Variants in ROBO1 observed in about 807,000 individuals in gnomAD.
The protein encoded by ROBO1 is roundabout homolog 1.
Under a neutral mutation model 195.9 loss-of-function variants are expected in ROBO1, and 149 were observed. The ratio of observed to expected loss-of-function variants is 0.76; its 90% CI spans 0.67 to 0.87. The LOEUF is 0.87. Among genes scored for constraint, ROBO1 ranks in the 40% least tolerant of loss-of-function variants. The probability of loss-of-function intolerance (pLI) is 0.00; values close to 1 mark genes in which losing one functional copy is unlikely to be tolerated. For synonymous variants in ROBO1, 816 were observed against 733.2 expected (o/e 1.11, Z -1.82); for missense variants, 1,933 against 2,068.3 (o/e 0.93, Z 1.27).
At chr3:79,368,068 A>C (rs2036042015) in intron 2 of ROBO1, among the ~76,000 whole-genome samples, 1 of 152,074 alleles carries the variant, frequency 6.6e-6, no homozygotes, top group Non-Finnish European at 1.5e-5. Flanking sequence ...CAGCCTCCCA[A>C]GCAGCTGGGA....
chr3:79,096,981 A>G (rs866104930), intron 3 of ROBO1, among the ~76,000 whole-genome samples: 5 of 151,818 alleles, frequency 3.3e-5, no homozygotes, highest in Middle Eastern at 3.4e-3. Context: ...TTCAAAATAC[A>G]ATGGTTAGAT....
At chr3:79,368,224 C>A (rs557980307) in intron 2 of ROBO1, among the ~76,000 whole-genome samples, 3 of 152,252 alleles carry the variant, frequency 2.0e-5, no homozygotes, top group Admixed American at 6.5e-5. Flanking sequence ...TGAGCCACTG[C>A]GTATGACCTC....
chr3:79,756,879 A>G (rs762464921), intron 1 of ROBO1, among the ~76,000 whole-genome samples: 3 of 152,174 alleles, frequency 2.0e-5, no homozygotes, highest in Admixed American at 6.5e-5. Context: ...TGATTATTCT[A>G]GGTACCTCAT....
intron 29 of ROBO1, among the ~76,000 whole-genome samples, chr3:78,606,232 G>C (rs927813606): frequency 1.3e-5 from 2 of 152,192 alleles, no homozygotes; most frequent in Non-Finnish European, 2.9e-5. Flanking sequence ...CAGAACAGTT[G>C]TGTGATCTCA....
intron 2 of ROBO1, among the ~76,000 whole-genome samples, chr3:79,238,511 G>T (rs2082454754): frequency 6.6e-6 from 1 of 152,154 alleles, no homozygotes; most frequent in Non-Finnish European, 1.5e-5. Flanking sequence ...ACCATGTGCT[G>T]CCTTTGTGAC....
chr3:78,847,688 T>C (rs60328378), intron 4 of ROBO1, among the ~76,000 whole-genome samples: 39,487 of 152,034 alleles, frequency 0.26, 5,404 homozygotes, highest in East Asian at 0.53. Context: ...GGTATTATTA[T>C]ACCTATTATT....
intron 2 of ROBO1, among the ~76,000 whole-genome samples, chr3:79,249,786 C>T (rs1191082947): frequency 6.6e-6 from 1 of 152,130 alleles, no homozygotes; most frequent in East Asian, 1.9e-4. Flanking sequence ...TCTAGGCACA[C>T]AGTGTAGAAG....
intron 2 of ROBO1, among the ~76,000 whole-genome samples, chr3:79,520,628 C>A (rs1157168324): frequency 6.6e-6 from 1 of 152,086 alleles, no homozygotes; most frequent in Non-Finnish European, 1.5e-5. Flanking sequence ...TAGAGAAACT[C>A]ATATCTTATG....
chr3:78,990,385 A>G (rs968999045), intron 3 of ROBO1, among the ~76,000 whole-genome samples: 4 of 152,204 alleles, frequency 2.6e-5, no homozygotes, highest in Non-Finnish European at 5.9e-5. Flanking sequence ...ATATATTTCA[A>G]TGAATCTGAG....
At chr3:79,633,498 C>A (rs1183797373) in intron 1 of ROBO1, among the ~76,000 whole-genome samples, 2 of 151,356 alleles carry the variant, frequency 1.3e-5, no homozygotes, top group East Asian at 3.9e-4. Context: ...CATATTTGTT[C>A]TTATTTCTGA....
chr3:78,776,341 TC>T (rs372183600), intron 4 of ROBO1, among the ~76,000 whole-genome samples: 241 of 152,272 alleles, frequency 1.6e-3, no homozygotes, highest in African/African-American at 5.5e-3. Flanking sequence ...AACCTCCACC[TC>T]CCGGGTTCAA....
intron 4 of ROBO1, among the ~76,000 whole-genome samples, chr3:78,850,996 G>A (rs1021973674): frequency 1.2e-4 from 18 of 151,802 alleles, no homozygotes; most frequent in Admixed American, 4.6e-4. Context: ...TAGTAGAGAC[G>A]GAGTTTCACT....
At chr3:78,980,887 T>C (rs2076976665) in intron 3 of ROBO1, among the ~76,000 whole-genome samples, 1 of 152,224 alleles carries the variant, frequency 6.6e-6, no homozygotes, top group African/African-American at 2.4e-5. Context: ...AAATAACTTG[T>C]GAGTTTTAAA....
intron 4 of ROBO1, among the ~76,000 whole-genome samples, chr3:78,751,128 G>C (rs1053074649): frequency 1.3e-5 from 2 of 152,044 alleles, no homozygotes; most frequent in Non-Finnish European, 2.9e-5. Context: ...AGTGAAATTT[G>C]AACAACTCAT....
chr3:79,146,483 A>G (rs1194036444), intron 2 of ROBO1, among the ~76,000 whole-genome samples: 2 of 151,816 alleles, frequency 1.3e-5, no homozygotes, highest in Non-Finnish European at 2.9e-5. Flanking sequence ...TAGATCATAG[A>G]ATATATATAT....
At chr3:78,625,805 A>G (rs948875848) in intron 26 of ROBO1, among the ~76,000 whole-genome samples, 1 of 152,140 alleles carries the variant, frequency 6.6e-6, no homozygotes, top group Non-Finnish European at 1.5e-5. Context: ...AAAACGTTAT[A>G]AGCCAGAATG....
At position 78,813,906 on chromosome 3, in the gene ROBO1, T is replaced by G. The variant is rs148577409; in HGVS notation, c.500-67006A>C. 8.0e-3 allele frequency among the ~76,000 whole-genome samples: 1,220 copies of G among 152,174 alleles called. 11 individuals carry two copies. The highest frequency in any genetic ancestry group is 0.028 in the African/African-American group (1,159 of 41,562). ...CATATTAATTACAGGGATCTTGTCC[T>G]GTGAGAGTGGATCCAGAGTAATAAT... On this transcript the variant is annotated intron_variant, in intron 4 of 30. Transcript: ENST00000464233.
rs1196198122 is a variant in ROBO1, at chr3:78,861,830, A to G, written c.499+76771T>C. On this transcript the variant is annotated intron_variant, in intron 4 of 30. Coordinates refer to ENST00000464233, the MANE Select transcript of ROBO1 (RefSeq NM_002941.4). The stretch of plus-strand genomic sequence containing the variant: ...GATTTTATTCCCCAAATAGACTGTA[A>G]GTTTCTTAAGCATCCTATGATATTT... Among the ~76,000 whole-genome samples the G allele has an allele frequency of 2.0e-5, 3 of 152,156 alleles. No individual in the cohort carries two copies. In the East Asian group the frequency reaches 5.8e-4, roughly 29 times the overall value.
intron 3 of ROBO1, among the ~76,000 whole-genome samples, chr3:78,995,235 G>C (rs750915589): frequency 5.3e-5 from 8 of 152,122 alleles, no homozygotes; most frequent in Non-Finnish European, 1.2e-4. Context: ...CAGGAGCCTT[G>C]ATTTCTACCT....
Sources: gnomAD v4.1 joint callset for allele counts (sites outside exome capture counted in the v4.1 genomes callset) on GRCh38, gnomAD v4.1.1 for gene constraint, MANE v1.5 for transcripts, NCBI Gene and HGNC (gene_info 2026-07-23, HGNC 2026-07-21) for gene names.